Variants in ROBO2 observed in about 807,000 individuals in gnomAD.
ROBO2 encodes roundabout homolog 2.
A neutral mutation model predicts 160.8 loss-of-function variants in ROBO2; 53 were observed. That is an observed-to-expected ratio of 0.33 (90% confidence interval 0.26 to 0.41). ROBO2 has a LOEUF of 0.41. Ranked by LOEUF, ROBO2 falls within the 10% of genes least tolerant of loss-of-function variation. ROBO2 has a pLI of 1.00. For synonymous variants in ROBO2, 664 were observed against 611.7 expected (o/e 1.09, Z -1.26); for missense variants, 1,577 against 1,722.4 (o/e 0.92, Z 1.49).
intron 6 of ROBO2, among the ~76,000 whole-genome samples, chr3:77,545,360 C>A (rs2092658338): frequency 6.6e-6 from 1 of 152,124 alleles, no homozygotes; most frequent in Non-Finnish European, 1.5e-5. Flanking sequence ...GGAATGTGTT[C>A]ATTTTTCCAT....
intron 2 of ROBO2, among the ~76,000 whole-genome samples, chr3:76,298,774 T>G (rs1430256059): frequency 6.6e-6 from 1 of 152,210 alleles, no homozygotes; most frequent in African/African-American, 2.4e-5. Flanking sequence ...GGATTCCATA[T>G]TCTCTGTATG....
intron 2 of ROBO2, among the ~76,000 whole-genome samples, chr3:77,446,969 T>C (rs1368749164): frequency 1.3e-5 from 2 of 152,056 alleles, no homozygotes; most frequent in Non-Finnish European, 2.9e-5. Context: ...AAGAATGCAG[T>C]AAATGAAGCA....
intron 2 of ROBO2, among the ~76,000 whole-genome samples, chr3:77,350,831 C>G (rs2068251259): frequency 6.6e-6 from 1 of 152,058 alleles, no homozygotes; most frequent in Non-Finnish European, 1.5e-5. Context: ...CAAGAGAGGC[C>G]CAGAAGAGGA....
intron 2 of ROBO2, among the ~76,000 whole-genome samples, chr3:77,381,190 C>T (rs1230234693): frequency 3.9e-5 from 6 of 152,142 alleles, no homozygotes; most frequent in Non-Finnish European, 8.8e-5. Context: ...TGGCACCTGC[C>T]TGTTGTCCCA....
intron 2 of ROBO2, among the ~76,000 whole-genome samples, chr3:77,123,810 A>G (rs1181994533): frequency 6.7e-6 from 1 of 149,266 alleles, no homozygotes; most frequent in African/African-American, 2.4e-5. Context: ...ATCTATCTAT[A>G]TAGATACACA....
intron 2 of ROBO2, among the ~76,000 whole-genome samples, chr3:76,673,284 C>A (rs1448941358): frequency 6.6e-6 from 1 of 152,072 alleles, no homozygotes; most frequent in African/African-American, 2.4e-5. Flanking sequence ...CACAGGGATT[C>A]TCATACTTCA....
chr3:77,232,373 A>G (rs2087330824), intron 2 of ROBO2, among the ~76,000 whole-genome samples: 1 of 152,116 alleles, frequency 6.6e-6, no homozygotes, highest in Non-Finnish European at 1.5e-5. Context: ...GCTGTTCTAT[A>G]AAGTCCTGAG....
chr3:77,375,698 A>G (rs181760279), intron 2 of ROBO2, among the ~76,000 whole-genome samples: 2 of 152,308 alleles, frequency 1.3e-5, no homozygotes, highest in East Asian at 3.9e-4. Context: ...CGAGGTTCTC[A>G]ACTGTTTTCT....
chr3:77,632,467 T>C, intron 23 of ROBO2: 1 of 1,524,508 alleles, frequency 6.6e-7, no homozygotes, highest in Non-Finnish European at 8.8e-7. Context: ...ACTACATTTG[T>C]TTTTAGGTTC....
chr3:77,386,767 TA>T (rs1406570946), intron 2 of ROBO2, among the ~76,000 whole-genome samples: 1 of 151,656 alleles, frequency 6.6e-6, no homozygotes, highest in African/African-American at 2.4e-5. Context: ...CACACTAGGC[TA>T]ATTTTTGTAT....
chr3:77,428,206 T>C lies in ROBO2; in HGVS notation c.389-49208T>C, dbSNP rs947672624. On this transcript the variant is annotated intron_variant, in intron 2 of 25. Coordinates refer to ENST00000461745, the Ensembl canonical transcript of ROBO2. ...TTTAGAAAATTGATATCTTTTCCCC[T>C]TAAAACTATAGGAATTATGTGATTT... Among the ~76,000 whole-genome samples the C allele has an allele frequency of 5.1e-4, 78 of 152,158 alleles. 1 individual carries two copies. The highest frequency in any genetic ancestry group is 7.9e-4 in the Non-Finnish European group (54 of 68,018).
rs544760663 is a variant in ROBO2 at position 77,108,299 on chromosome 3, CATAT to C, written c.388+9968_388+9971del. On this transcript the variant is annotated intron_variant, in intron 2 of 25. Coordinates refer to ENST00000461745, the Ensembl canonical transcript of ROBO2. ...ATATATATATATGTATACACATATGCATATATATATATGTATACACATATGCATA... is the reference window on the plus strand; with the variant it reads ...ATATATATATATGTATACACATATGCATATATATGTATACACATATGCATA... Among the ~76,000 whole-genome samples, 15 of 120,458 alleles carry C rather than the reference CATAT, an allele frequency of 1.2e-4. No homozygotes were observed. In the East Asian group the frequency reaches 1.8e-3, roughly 14 times the overall value. 79.0% of individuals were successfully genotyped at this position (120,458 alleles called of 152,430 possible).
At chr3:76,372,166 GAAT>G (rs1342208154) in intron 2 of ROBO2, among the ~76,000 whole-genome samples, 1 of 151,832 alleles carries the variant, frequency 6.6e-6, no homozygotes, top group South Asian at 2.1e-4. Context: ...TATACATTAA[GAAT>G]AATGTTTCCA....
intron 2 of ROBO2, among the ~76,000 whole-genome samples, chr3:76,074,455 G>A (rs1382510549): frequency 1.3e-5 from 2 of 152,178 alleles, no homozygotes; most frequent in Non-Finnish European, 2.9e-5. Context: ...AATGTGGCCC[G>A]ATTAATTGGT....
chr3:77,125,336 T>C (rs1392725158), intron 2 of ROBO2, among the ~76,000 whole-genome samples: 3 of 152,136 alleles, frequency 2.0e-5, no homozygotes, highest in Non-Finnish European at 4.4e-5. Context: ...AGATTTGCTT[T>C]TGAAGCATAA....
intron 2 of ROBO2, among the ~76,000 whole-genome samples, chr3:77,347,490 G>T (rs2067792113): frequency 6.6e-6 from 1 of 151,800 alleles, no homozygotes; most frequent in Admixed American, 6.6e-5. Flanking sequence ...GAAAAAAATA[G>T]AAGAATCTAT....
intron 2 of ROBO2, among the ~76,000 whole-genome samples, chr3:76,011,780 A>T (rs969315695): frequency 6.6e-6 from 1 of 152,196 alleles, no homozygotes; most frequent in African/African-American, 2.4e-5. Context: ...AATTTTAAGG[A>T]TACAATATTG....
At chr3:76,499,809 A>G (rs1388942309) in intron 2 of ROBO2, among the ~76,000 whole-genome samples, 4 of 151,788 alleles carry the variant, frequency 2.6e-5, no homozygotes, top group Non-Finnish European at 5.9e-5. Context: ...AATCCCCCTA[A>G]AGATCTACAA....
At chr3:76,722,918 C>T (rs1384624264) in intron 2 of ROBO2, among the ~76,000 whole-genome samples, 1 of 152,088 alleles carries the variant, frequency 6.6e-6, no homozygotes, top group African/African-American at 2.4e-5. Flanking sequence ...AGACAAAATG[C>T]TTTTCAAATT....
Sources: allele counts gnomAD v4.1 joint callset (sites outside exome capture counted in the v4.1 genomes callset), GRCh38; gene constraint gnomAD v4.1.1; transcripts MANE v1.5; gene names NCBI Gene and HGNC (gene_info 2026-07-23, HGNC 2026-07-21).